Variants in LMAN2L observed in about 807,000 individuals in gnomAD.
LMAN2L encodes the protein VIP36-like protein.
Under a neutral mutation model 44.3 loss-of-function variants are expected in LMAN2L, and 30 were observed. That is an observed-to-expected ratio of 0.68 (90% CI 0.51 to 0.92). The LOEUF is 0.92. Ranked by LOEUF, LMAN2L falls within the 40% of genes least tolerant of loss-of-function variation. LMAN2L has a pLI of 0.00. For missense variants in LMAN2L, 429 were observed against 446.1 expected (o/e 0.96, Z 0.35); for synonymous variants, 183 against 171.1 (o/e 1.07, Z -0.54).
chr2:96,708,482 G>C (rs892803855), intron 6 of LMAN2L, among the ~76,000 whole-genome samples: 8 of 152,222 alleles, frequency 5.3e-5, no homozygotes, highest in Non-Finnish European at 1.2e-4. Flanking sequence ...CCTACAATGA[G>C]TTTATTGGGA....
At chr2:96,713,041 C>G in intron 4 of LMAN2L, 1 of 1,410,786 alleles carries the variant, frequency 7.1e-7, no homozygotes, top group Non-Finnish European at 9.8e-7. Context: ...GGACTTGAAA[C>G]AGCAACAAAT....
intron 4 of LMAN2L, among the ~76,000 whole-genome samples, chr2:96,729,094 C>T (rs1319017329): frequency 6.6e-6 from 1 of 151,870 alleles, no homozygotes; most frequent in African/African-American, 2.4e-5. Context: ...ATGGCGTGAA[C>T]CCGGGAGGCG....
At chr2:96,719,537 C>G (rs976285375) in intron 4 of LMAN2L, among the ~76,000 whole-genome samples, 1 of 150,190 alleles carries the variant, frequency 6.7e-6, no homozygotes, top group Non-Finnish European at 1.5e-5. Flanking sequence ...CACTTGAGTC[C>G]AAGAGTTCAA....
At chr2:96,727,453 G>A (rs748800278) in intron 4 of LMAN2L, among the ~76,000 whole-genome samples, 26 of 152,196 alleles carry the variant, frequency 1.7e-4, no homozygotes, top group East Asian at 5.8e-4. Flanking sequence ...GCAACATGGC[G>A]GAACCCTGTC....
intron 4 of LMAN2L, among the ~76,000 whole-genome samples, chr2:96,721,326 CTTTTTTTT>C (rs56023035): frequency 1.2e-5 from 1 of 84,596 alleles, no homozygotes; most frequent in Admixed American, 1.3e-4. Flanking sequence ...TTCTTTCAGT[CTTTTTTTT>C]TTTTTTTTTT....
At chr2:96,729,447 T>C (rs1331665889) in intron 4 of LMAN2L, among the ~76,000 whole-genome samples, 3 of 152,060 alleles carry the variant, frequency 2.0e-5, no homozygotes, top group Non-Finnish European at 4.4e-5. Context: ...TAAGACAATA[T>C]TTGCAAAGTA....
At chr2:96,731,612 T>C (rs2078399303) in intron 4 of LMAN2L, among the ~76,000 whole-genome samples, 4 of 151,576 alleles carry the variant, frequency 2.6e-5, no homozygotes, top group Admixed American at 2.6e-4. Flanking sequence ...ATTGCACCAC[T>C]GCACTCCAGC....
chr2:96,728,281 A>G (rs1162292589), intron 4 of LMAN2L, among the ~76,000 whole-genome samples: 1 of 151,940 alleles, frequency 6.6e-6, no homozygotes, highest in African/African-American at 2.4e-5. Flanking sequence ...AGGTCAGGAG[A>G]TCGAGAGGAG....
At chr2:96,713,845 G>T (rs2077980775) in intron 4 of LMAN2L, among the ~76,000 whole-genome samples, 1 of 152,174 alleles carries the variant, frequency 6.6e-6, no homozygotes, top group Non-Finnish European at 1.5e-5. Context: ...CAGGCGTGAG[G>T]GTATTAAGCT....
At chr2:96,720,638 A>C (rs2078131853) in intron 4 of LMAN2L, among the ~76,000 whole-genome samples, 1 of 152,092 alleles carries the variant, frequency 6.6e-6, no homozygotes, top group Non-Finnish European at 1.5e-5. Flanking sequence ...TTTAATCAAC[A>C]TTAAAAAATA....
intron 4 of LMAN2L, among the ~76,000 whole-genome samples, chr2:96,731,746 T>C (rs2078401997): frequency 1.3e-5 from 2 of 152,154 alleles, no homozygotes; most frequent in South Asian, 4.1e-4. Flanking sequence ...TTCTCTATTC[T>C]TCTAATTTTT....
chr2:96,706,961 C>T lies in LMAN2L; in HGVS notation c.*295G>A. 1 of 221,278 alleles carries T rather than the reference C, an allele frequency of 4.5e-6. No individual in the cohort carries two copies. The highest frequency in any genetic ancestry group is 8.8e-6 in the Non-Finnish European group (1 of 113,252). The allele number at this position is 221,278 out of a possible 1,614,324, so 13.7% of individuals were successfully genotyped here. A position where few individuals can be genotyped will look rare whatever the true frequency, so the allele number is the denominator to read the frequency against. ...ATGAAATTCTGTTCTGTGATTTTGG[C>T]ATCACAACCACGTAAATTCTCTTCA... On this transcript the variant is annotated 3_prime_UTR_variant, in exon 8 of 8. Transcript: ENST00000264963.
At chr2:96,734,352 G>A in intron 3 of LMAN2L, 57 bp downstream of exon 3, 1 of 1,032,224 alleles carries the variant, frequency 9.7e-7, no homozygotes, top group Non-Finnish European at 1.5e-6. Context: ...TCAAAAAGAG[G>A]GCACATGAAA....
intron 4 of LMAN2L, among the ~76,000 whole-genome samples, chr2:96,718,252 G>A (rs956185612): frequency 6.6e-6 from 1 of 152,126 alleles, no homozygotes; most frequent in African/African-American, 2.4e-5. Flanking sequence ...CACTGTGCGT[G>A]GCCGGTTGTA....
chr2:96,712,075 C>A (rs370436601), intron 4 of LMAN2L, 50 bp from the exon 5 acceptor site: 4 of 1,580,832 alleles, frequency 2.5e-6, no homozygotes, highest in Non-Finnish European at 3.5e-6. Context: ...CACATAGGAA[C>A]GCCTGTACAA....
chr2:96,737,032 G>C (rs2078530523), intron 2 of LMAN2L: 1 of 388,096 alleles, frequency 2.6e-6, no homozygotes, highest in Non-Finnish European at 5.0e-6. Flanking sequence ...TAGTTTAAGA[G>C]AATTCCAGAG....
chr2:96,737,467 T>C lies in LMAN2L; in HGVS notation c.306+482A>G, dbSNP rs532483744. ...GAGTTTGAGACCAGCCTGGGCAACA[T>C]AGCAAGACCCCATCTCTACAAAAAA... On this transcript the variant is annotated intron_variant, in intron 2 of 7. Coordinates refer to ENST00000264963, the MANE Select transcript of LMAN2L (RefSeq NM_030805.4). Among the ~76,000 whole-genome samples, 4 of 152,052 alleles carry C rather than the reference T, an allele frequency of 2.6e-5. No individual in the cohort carries two copies. The South Asian group carries it at 6.2e-4, about 24-fold the overall frequency.
chr2:96,720,647 T>G (rs1304453061), intron 4 of LMAN2L, among the ~76,000 whole-genome samples: 4 of 151,946 alleles, frequency 2.6e-5, no homozygotes, highest in Non-Finnish European at 5.9e-5. Flanking sequence ...CATTAAAAAA[T>G]AACTACAATA....
chr2:96,729,033 G>A (rs1417544686), intron 4 of LMAN2L, among the ~76,000 whole-genome samples: 2 of 151,468 alleles, frequency 1.3e-5, no homozygotes, highest in Non-Finnish European at 2.9e-5. Flanking sequence ...TTAGCTGGGC[G>A]TGGTGGCAGG....
Sources: gnomAD v4.1 joint callset for allele counts (sites outside exome capture counted in the v4.1 genomes callset) on GRCh38, gnomAD v4.1.1 for gene constraint, MANE v1.5 for transcripts, NCBI Gene and HGNC (gene_info 2026-07-23, HGNC 2026-07-21) for gene names.